The following ERBB4 variants were observed in gnomAD, a reference collection of about 807,000 sequenced individuals.
The protein encoded by ERBB4 is receptor tyrosine-protein kinase erbB-4.
A neutral mutation model predicts 158.0 loss-of-function variants in ERBB4; 42 were observed. That is an observed-to-expected ratio of 0.27 (90% CI 0.21 to 0.34). The LOEUF (loss-of-function observed/expected upper bound fraction) is 0.34, where lower values mean the gene tolerates loss of function less well. ERBB4 is among the 10% of genes least tolerant of loss of function. ERBB4 has a pLI of 1.00. For synonymous variants in ERBB4, 583 were observed against 558.7 expected (o/e 1.04, Z -0.61); for missense variants, 1,333 against 1,624.1 (o/e 0.82, Z 3.08).
At chr2:211,580,275 C>T (rs1226852504) in intron 19 of ERBB4, among the ~76,000 whole-genome samples, 1 of 151,998 alleles carries the variant, frequency 6.6e-6, no homozygotes, top group African/African-American at 2.4e-5. Flanking sequence ...CCAGAATCTG[C>T]AACGAAATCA....
chr2:211,950,665 A>G (rs2080849534), intron 2 of ERBB4, among the ~76,000 whole-genome samples: 1 of 152,222 alleles, frequency 6.6e-6, no homozygotes, highest in Middle Eastern at 3.4e-3. Context: ...TAGGAAAGGG[A>G]TATATGGAAT....
chr2:211,428,335 A>G (rs1264627179), intron 22 of ERBB4, 73 bp downstream of exon 22: 14 of 853,690 alleles, frequency 1.6e-5, no homozygotes, highest in Non-Finnish European at 2.4e-5. Context: ...AATTTAGCTT[A>G]AGATATTTCA....
At chr2:211,619,442 G>A (rs1339563554) in intron 18 of ERBB4, among the ~76,000 whole-genome samples, 167 bp from the exon 19 acceptor site, 1 of 152,032 alleles carries the variant, frequency 6.6e-6, no homozygotes, top group Non-Finnish European at 1.5e-5. Context: ...CATTATCTGA[G>A]GATGTTGCTC....
At position 212,345,172 on chromosome 2, in the gene ERBB4, A is replaced by C. The variant is rs2088925555; in HGVS notation, c.82+193277T>G. ...TCCCAGCTACTCGGGAGGCTGAGGC[A>C]GGAGAATGGCGTGAACCCGGGAGGT... On this transcript the variant is annotated intron_variant, in intron 1 of 27. Transcript: ENST00000342788. Among the ~76,000 whole-genome samples, 3 of 149,338 alleles carry C rather than the reference A, an allele frequency of 2.0e-5. No homozygotes were observed. In the South Asian group the frequency reaches 6.4e-4, roughly 32 times the overall value.
chr2:212,040,729 G>T (rs2077121758), intron 2 of ERBB4, among the ~76,000 whole-genome samples: 1 of 152,076 alleles, frequency 6.6e-6, no homozygotes, highest in Non-Finnish European at 1.5e-5. Context: ...GTGAACTTCT[G>T]ATTTTGGCCT....
At chr2:211,507,217 A>G (rs2065774103) in intron 20 of ERBB4, among the ~76,000 whole-genome samples, 1 of 152,138 alleles carries the variant, frequency 6.6e-6, no homozygotes, top group Non-Finnish European at 1.5e-5. Flanking sequence ...TCAGTAATAA[A>G]AAACATCTTT....
chr2:211,724,436 A>T (rs2074201710), intron 6 of ERBB4, among the ~76,000 whole-genome samples: 1 of 151,664 alleles, frequency 6.6e-6, no homozygotes, highest in Non-Finnish European at 1.5e-5. Context: ...ATTTTCAACT[A>T]TATAAACATT....
chr2:211,404,777 A>T (rs1423776545), intron 25 of ERBB4, among the ~76,000 whole-genome samples: 2 of 152,122 alleles, frequency 1.3e-5, no homozygotes, highest in Non-Finnish European at 2.9e-5. Flanking sequence ...ACAGCTGAAA[A>T]AGGCAGAGAG....
chr2:211,590,830 T>A (rs548477294), intron 19 of ERBB4, among the ~76,000 whole-genome samples: 1 of 152,332 alleles, frequency 6.6e-6, no homozygotes, highest in East Asian at 1.9e-4. Flanking sequence ...TTGGGTAAGC[T>A]GAACCCACTG....
chr2:212,469,566 T>C (rs1356169482), intron 1 of ERBB4, among the ~76,000 whole-genome samples: 1 of 152,190 alleles, frequency 6.6e-6, no homozygotes, highest in African/African-American at 2.4e-5. Flanking sequence ...GTTCCAACAG[T>C]ATGCTTAGCA....
chr2:211,912,835 A>G (rs1440798453), intron 3 of ERBB4, among the ~76,000 whole-genome samples: 2 of 152,174 alleles, frequency 1.3e-5, no homozygotes, highest in Non-Finnish European at 2.9e-5. Context: ...ACACTTTTAA[A>G]GACCTGAAAA....
intron 4 of ERBB4, among the ~76,000 whole-genome samples, chr2:211,753,080 G>A (rs7601502): frequency 0.21 from 32,337 of 152,156 alleles, 4,017 homozygotes; most frequent in Non-Finnish European, 0.29. Context: ...AATGGTGCAA[G>A]ACATGGCACT....
At chr2:211,724,448 G>T in intron 6 of ERBB4, among the ~76,000 whole-genome samples, 1 of 148,966 alleles carries the variant, frequency 6.7e-6, no homozygotes, top group East Asian at 2.0e-4. Flanking sequence ...ATAAACATTT[G>T]TGTATTTTTA....
chr2:211,591,015 C>G (rs73076988), intron 19 of ERBB4, among the ~76,000 whole-genome samples: 1,927 of 152,318 alleles, frequency 0.013, 37 homozygotes, highest in African/African-American at 0.044. Flanking sequence ...ACATAACTGA[C>G]TACACTTTCC....
chr2:212,190,960 C>T (rs1160244111), intron 1 of ERBB4, among the ~76,000 whole-genome samples: 1 of 151,914 alleles, frequency 6.6e-6, no homozygotes, highest in East Asian at 1.9e-4. Flanking sequence ...ACTCAGTTGG[C>T]TAATACCAAG....
chr2:212,176,460 G>T (rs73073279), intron 1 of ERBB4, among the ~76,000 whole-genome samples: 3,498 of 152,092 alleles, frequency 0.023, 146 homozygotes, highest in African/African-American at 0.08. Context: ...GCAAGCCAGG[G>T]AGAGGGACTT....
At chr2:211,430,108 T>G (rs979935174) in intron 21 of ERBB4, among the ~76,000 whole-genome samples, 2 of 152,166 alleles carry the variant, frequency 1.3e-5, no homozygotes, top group African/African-American at 4.8e-5. Flanking sequence ...TGCAAAATAT[T>G]TATAATATAT....
At chr2:212,312,729 T>G (rs181371244) in intron 1 of ERBB4, among the ~76,000 whole-genome samples, 1 of 151,134 alleles carries the variant, frequency 6.6e-6, no homozygotes, top group East Asian at 2.0e-4. Flanking sequence ...TATATTAAAT[T>G]GAACAGCTTT....
intron 19 of ERBB4, among the ~76,000 whole-genome samples, chr2:211,562,793 A>G (rs2067436396): frequency 9.8e-6 from 1 of 101,534 alleles, no homozygotes; most frequent in South Asian, 2.5e-4. Flanking sequence ...TTTTTTTGAG[A>G]CGGAGTCTCG....
Sources: allele counts gnomAD v4.1 joint callset (sites outside exome capture counted in the v4.1 genomes callset), GRCh38; gene constraint gnomAD v4.1.1; transcripts MANE v1.5; gene names NCBI Gene and HGNC (gene_info 2026-07-23, HGNC 2026-07-21).